Variants in KLHL4 observed in about 807,000 individuals in gnomAD.
KLHL4 encodes the protein kelch-like protein 4.
KLHL4 carries 17 observed loss-of-function variants against 45.8 expected under a neutral mutation model. The observed-to-expected ratio is 0.37, with a 90% confidence interval of 0.25 to 0.56. The LOEUF (loss-of-function observed/expected upper bound fraction) is 0.56, where lower values mean the gene tolerates loss of function less well. KLHL4 is among the 20% of genes least tolerant of loss of function. The probability of loss-of-function intolerance (pLI) is 0.79; values close to 1 mark genes in which losing one functional copy is unlikely to be tolerated. For missense variants in KLHL4, 544 were observed against 544.9 expected, an observed-to-expected ratio of 1.00 and a Z score of 0.02; for synonymous variants, 224 against 189.9, an observed-to-expected ratio of 1.18 and a Z score of -1.47.
intron 1 of KLHL4, among the ~76,000 whole-genome samples, chrX:87,525,308 A>T (rs958272360): frequency 4.5e-5 from 5 of 111,721 alleles, no homozygotes; most frequent in Non-Finnish European, 9.4e-5. Flanking sequence ...TTTCAAATAA[A>T]AATATGGCCT....
At chrX:87,659,897 C>G (rs1433968010) in intron 9 of KLHL4, among the ~76,000 whole-genome samples, 1 of 110,243 alleles carries the variant, frequency 9.1e-6, no homozygotes, top group Non-Finnish European at 1.9e-5. Flanking sequence ...AGTATAAAGG[C>G]TTGATGTATT....
At position 87,669,895 on chromosome X, in the gene KLHL4, A is replaced by G. The variant is rs981819300; in HGVS notation, c.*3361A>G. 1 of 114,362 alleles carries G rather than the reference A, an allele frequency of 8.7e-6. No homozygotes were observed. Among genetic ancestry groups the G allele is most frequent in the African/African-American group, 3.2e-5 (1 of 30,771 alleles). 9.4% of individuals were successfully genotyped at this position (114,362 alleles called of 1,213,427 possible). On this transcript the variant is annotated 3_prime_UTR_variant, in exon 11 of 11. Transcript: ENST00000373119. ...TAAAAATGTTTTTAAAACTTCAAAT[A>G]TCTCACCACAGTGAATTATGGGTAA...
At chrX:87,586,010 A>T (rs1473891969) in intron 1 of KLHL4, among the ~76,000 whole-genome samples, 1 of 111,844 alleles carries the variant, frequency 8.9e-6, no homozygotes, top group Non-Finnish European at 1.9e-5. Context: ...TTAAGACAAA[A>T]ACTATAAAAA....
Position 87,667,352 on chromosome X carries a change from T to G in KLHL4, c.*818T>G, listed in dbSNP as rs1924404234. 1.4e-6 allele frequency: 1 copy of G among 702,810 alleles called. No homozygotes were observed. The highest frequency in any genetic ancestry group is 1.7e-6 in the Non-Finnish European group (1 of 593,877). The allele number at this position is 702,810 out of a possible 1,213,427, so 57.9% of individuals were successfully genotyped here. A position where few individuals can be genotyped will look rare whatever the true frequency, so the allele number is the denominator to read the frequency against. ...GCCTCACTTGTATAGAATGTAATGTTCTCCTCAAACATTTATGTTAACTCT... is the reference window on the plus strand; with the variant it reads ...GCCTCACTTGTATAGAATGTAATGTGCTCCTCAAACATTTATGTTAACTCT... On this transcript the variant is annotated 3_prime_UTR_variant, in exon 11 of 11. Transcript: ENST00000373119.
intron 1 of KLHL4, among the ~76,000 whole-genome samples, chrX:87,592,690 C>A (rs1265246023): frequency 9.0e-6 from 1 of 111,614 alleles, no homozygotes; most frequent in African/African-American, 3.3e-5. Context: ...TTTCACATAC[C>A]CCTCTGCCCT....
At chrX:87,662,514 A>G (rs1050132203) in intron 9 of KLHL4, among the ~76,000 whole-genome samples, 2 of 112,130 alleles carry the variant, frequency 1.8e-5, no homozygotes, top group Non-Finnish European at 3.8e-5. Context: ...GTGGAAATCA[A>G]TTCTATTTCT....
intron 1 of KLHL4, among the ~76,000 whole-genome samples, chrX:87,526,386 A>G (rs1380048555): frequency 8.9e-6 from 1 of 112,179 alleles, no homozygotes; most frequent in African/African-American, 3.2e-5. Context: ...AAGGTAAATA[A>G]TATGTGCTAA....
chrX:87,521,096 G>A (rs1260077831), intron 1 of KLHL4, among the ~76,000 whole-genome samples: 1 of 111,687 alleles, frequency 9.0e-6, no homozygotes, highest in African/African-American at 3.2e-5. Context: ...TAATTCTAAG[G>A]AATTGTCAGG....
chrX:87,604,849 A>G (rs1223139694), intron 1 of KLHL4, among the ~76,000 whole-genome samples: 1 of 111,143 alleles, frequency 9.0e-6, no homozygotes, highest in African/African-American at 3.3e-5. Context: ...GCCCCTCCCA[A>G]TGTCACAGAG....
At chrX:87,549,178 C>T (rs1181425619) in intron 1 of KLHL4, among the ~76,000 whole-genome samples, 7 of 110,162 alleles carry the variant, frequency 6.4e-5, no homozygotes, top group Non-Finnish European at 7.6e-5. Flanking sequence ...GAAAAAAAGC[C>T]ACTACATAAT....
At chrX:87,597,910 A>C (rs1444786422) in intron 1 of KLHL4, among the ~76,000 whole-genome samples, 1 of 110,845 alleles carries the variant, frequency 9.0e-6, no homozygotes, top group Non-Finnish European at 1.9e-5. Context: ...TATTTGGTGC[A>C]GAGAGATCAT....
rs764715618 is a variant in KLHL4 at position 87,619,749 on chromosome X, T to C, written c.924+1621T>C. 2.8e-5 allele frequency among the ~76,000 whole-genome samples: 3 copies of C among 108,155 alleles called. No homozygotes were observed. The East Asian group carries it at 8.7e-4, about 31-fold the overall frequency. The allele number at this position is 108,155 out of a possible 115,157, so 93.9% of individuals were successfully genotyped here. A position where few individuals can be genotyped will look rare whatever the true frequency, so the allele number is the denominator to read the frequency against. Reference sequence around the variant, plus strand: ...CCTATTATGTGACCAAAACGGAGTGTTGAAGCAGAATGTGCATAAAAATGT... The same window carrying C: ...CCTATTATGTGACCAAAACGGAGTGCTGAAGCAGAATGTGCATAAAAATGT... On this transcript the variant is annotated intron_variant, in intron 4 of 10. Coordinates refer to ENST00000373119, the MANE Select transcript of KLHL4 (RefSeq NM_019117.5).
At chrX:87,581,401 C>G (rs1305975216) in intron 1 of KLHL4, among the ~76,000 whole-genome samples, 3 of 112,439 alleles carry the variant, frequency 2.7e-5, no homozygotes, top group Non-Finnish European at 5.6e-5. Flanking sequence ...TTTCTTGATC[C>G]CATTCCTCTG....
In KLHL4 at chrX:87,669,306, G is replaced by A; in HGVS notation, c.*2772G>A. On this transcript the variant is annotated 3_prime_UTR_variant, in exon 11 of 11. Transcript: ENST00000373119. The stretch of plus-strand genomic sequence containing the variant: ...TCATGATGATTCTCTAACACTGTCT[G>A]TCACCTTCCTGTATTTCCACAGAGC... 2 of 1,208,041 alleles carry A rather than the reference G, an allele frequency of 1.7e-6. No homozygotes were observed. Among genetic ancestry groups the A allele is most frequent in the Non-Finnish European group, 2.2e-6 (2 of 893,625 alleles).
intron 9 of KLHL4, among the ~76,000 whole-genome samples, chrX:87,642,402 G>T (rs1442540966): frequency 2.7e-5 from 3 of 111,782 alleles, no homozygotes; most frequent in Non-Finnish European, 3.8e-5. Flanking sequence ...ACAGTCTTCA[G>T]CCCCAGACCT....
chrX:87,618,584 T>A (rs1196204057), intron 4 of KLHL4, among the ~76,000 whole-genome samples: 1 of 111,618 alleles, frequency 9.0e-6, no homozygotes, highest in Non-Finnish European at 1.9e-5. Context: ...CACTGCAACC[T>A]CCGCCTCCTG....
In KLHL4 at chrX:87,603,495, G is replaced by A. The variant is rs191108300; in HGVS notation, c.423-10382G>A. On this transcript the variant is annotated intron_variant, in intron 1 of 10. Coordinates refer to ENST00000373119, the MANE Select transcript of KLHL4 (RefSeq NM_019117.5). ...GGAGAATGGGGGATTTAATAATTAAGCAGAATTTGTCCTAATCTATGTAAT... is the reference window on the plus strand; with the variant it reads ...GGAGAATGGGGGATTTAATAATTAAACAGAATTTGTCCTAATCTATGTAAT... Among the ~76,000 whole-genome samples, 23 of 110,578 alleles carry A rather than the reference G, an allele frequency of 2.1e-4. 1 individual carries two copies. The highest frequency in any genetic ancestry group is 5.7e-5 in the Non-Finnish European group (3 of 52,782).
intron 1 of KLHL4, among the ~76,000 whole-genome samples, chrX:87,575,162 G>T (rs1485724404): frequency 2.7e-5 from 3 of 111,919 alleles, no homozygotes; most frequent in Non-Finnish European, 5.6e-5. Context: ...TCCTGATACA[G>T]GGGTGAGGAC....
At chrX:87,526,142 G>A (rs1446595922) in intron 1 of KLHL4, among the ~76,000 whole-genome samples, 2 of 111,951 alleles carry the variant, frequency 1.8e-5, no homozygotes, top group East Asian at 5.6e-4. Flanking sequence ...TCCTTTTCTG[G>A]TTAATGTTGA....
Sources: gnomAD v4.1 joint callset for allele counts (sites outside exome capture counted in the v4.1 genomes callset) on GRCh38, gnomAD v4.1.1 for gene constraint, MANE v1.5 for transcripts, NCBI Gene and HGNC (gene_info 2026-07-23, HGNC 2026-07-21) for gene names.